The following TRMT11 variants were observed in gnomAD, a reference collection of about 807,000 sequenced individuals.
TRMT11 encodes the protein tRNA (guanine(10)-N(2))-methyltransferase TRMT11.
In TRMT11, 53 loss-of-function variants were observed where a neutral mutation model predicts 62.8. The observed-to-expected ratio is 0.84, with a 90% CI of 0.68 to 1.06. The LOEUF is 1.06. Among genes scored for constraint, TRMT11 ranks in the 50% least tolerant of loss-of-function variants. The pLI is 0.00. For synonymous variants in TRMT11, 188 were observed against 190.3 expected (o/e 0.99, Z 0.10); for missense variants, 556 against 553.4 (o/e 1.00, Z -0.05).
downstream of TRMT11, among the ~76,000 whole-genome samples, chr6:126,040,061 T>A (rs1452127007): frequency 6.6e-6 from 1 of 152,110 alleles, no homozygotes; most frequent in Non-Finnish European, 1.5e-5. Context: ...AAGGATGATT[T>A]ATTTTCAGTT....
intron 17 of TRMT11, among the ~76,000 whole-genome samples, chr6:126,110,052 C>T (rs1338610568): frequency 2.0e-5 from 3 of 152,062 alleles, no homozygotes; most frequent in Non-Finnish European, 4.4e-5. Context: ...TTTCAGCTGG[C>T]GGAGAAGCAG....
At position 125,998,619 on chromosome 6, in the gene TRMT11, G is replaced by T. The variant is rs746879380; in HGVS notation, c.457G>T (p.Glu153Ter). 12 of 1,613,478 alleles carry T rather than the reference G, an allele frequency of 7.4e-6. No homozygotes were observed. The highest frequency in any genetic ancestry group is 9.3e-6 in the Non-Finnish European group (11 of 1,179,656). ...ACCGCAACATGTATTTTCTGTTTTG[G>T]AGGATTATGGTTTAGACCCAAACTG... is the stretch of plus-strand genomic sequence containing the variant. ...KKPQHVFSVL[E>*]DYGLDPNCIP... The change falls in exon 6 of 13, where the codon GAG (glutamate) becomes TAG (stop). Residue 153 changes from glutamate to a stop codon, truncating the protein, a stop_gained. Coordinates refer to ENST00000334379, the MANE Select transcript of TRMT11 (RefSeq NM_001031712.3). LOFTEE classifies it high-confidence loss of function.
chr6:126,099,899 C>A (rs544713912), intron 17 of TRMT11, among the ~76,000 whole-genome samples: 6 of 152,236 alleles, frequency 3.9e-5, no homozygotes, highest in Admixed American at 2.0e-4. Context: ...TCTGGAAGAG[C>A]TGGGCACCTG....
At chr6:126,144,577 AAGCTTTGCAGAC>A (rs1056452122) in intron 21 of TRMT11, among the ~76,000 whole-genome samples, 4 of 152,116 alleles carry the variant, frequency 2.6e-5, no homozygotes, top group Non-Finnish European at 5.9e-5. Context: ...CCTCTCCCCA[AAGCTTTGCAGAC>A]AATGAATCAC....
chr6:125,987,594 C>A (rs776990285), intron 1 of TRMT11, among the ~76,000 whole-genome samples: 6 of 152,152 alleles, frequency 3.9e-5, no homozygotes, highest in Non-Finnish European at 8.8e-5. Flanking sequence ...GAGCCAGAGA[C>A]TAGGAGTCTG....
chr6:126,118,862 A>G lies in TRMT11; in HGVS notation c.*1823+3007A>G, dbSNP rs572212874. Among the ~76,000 whole-genome samples the G allele has an allele frequency of 4.6e-5, 7 of 152,216 alleles. No homozygotes were observed. In the East Asian group the frequency reaches 1.4e-3, roughly 29 times the overall value. On this transcript the variant is annotated intron_variant and NMD_transcript_variant, in intron 21 of 22. Transcript: ENST00000648977. The stretch of plus-strand genomic sequence containing the variant: ...TTCAACAGCTATTTGCTTTGGAGAC[A>G]TTTCTTTTCCCCCTTTGTAAAGCTA...
At chr6:126,159,278 C>T (rs1264287423) in intron 21 of TRMT11, among the ~76,000 whole-genome samples, 1 of 152,122 alleles carries the variant, frequency 6.6e-6, no homozygotes, top group Non-Finnish European at 1.5e-5. Flanking sequence ...GGTGATGGCA[C>T]TCTGGGCGGA....
At chr6:126,125,928 G>A (rs949905847) in intron 21 of TRMT11, among the ~76,000 whole-genome samples, 2 of 152,152 alleles carry the variant, frequency 1.3e-5, no homozygotes, top group Middle Eastern at 3.4e-3. Context: ...ACACATGCAT[G>A]CACATTCTGA....
At chr6:126,272,004 A>T in the TRMT11 span, among the ~76,000 whole-genome samples, 4 of 152,236 alleles carry the variant, frequency 2.6e-5, no homozygotes, top group Non-Finnish European at 5.9e-5. Flanking sequence ...TCAGTTCCTT[A>T]ATGAGGAGAA....
At chr6:126,023,216 A>G (rs1357107911) in intron 12 of TRMT11, among the ~76,000 whole-genome samples, 1 of 152,226 alleles carries the variant, frequency 6.6e-6, no homozygotes, top group East Asian at 1.9e-4. Flanking sequence ...TAGTTTCCAA[A>G]TTGTTTGGCA....
At chr6:126,111,222 A>C (rs551334403) in intron 17 of TRMT11, among the ~76,000 whole-genome samples, 8 of 152,010 alleles carry the variant, frequency 5.3e-5, no homozygotes, top group Non-Finnish European at 1.5e-5. Context: ...TCTGTAGGCA[A>C]ATTTTCAGGT....
intron 17 of TRMT11, among the ~76,000 whole-genome samples, chr6:126,065,743 A>G (rs573709555): frequency 6.6e-6 from 1 of 152,308 alleles, no homozygotes; most frequent in Non-Finnish European, 1.5e-5. Context: ...CAGAAATTAT[A>G]TTATTACTAT....
intron 21 of TRMT11, among the ~76,000 whole-genome samples, chr6:126,134,917 G>A (rs1583885185): frequency 6.6e-6 from 1 of 151,758 alleles, no homozygotes; most frequent in African/African-American, 2.4e-5. Flanking sequence ...AAGAAATTAA[G>A]AAGGACAATA....
chr6:126,115,958 C>T (rs1327654822), intron 21 of TRMT11, among the ~76,000 whole-genome samples: 1 of 151,758 alleles, frequency 6.6e-6, no homozygotes. Flanking sequence ...GGGCTCCCCC[C>T]TCCAAGATTC....
the TRMT11 span, among the ~76,000 whole-genome samples, chr6:126,219,880 G>C: frequency 6.6e-6 from 1 of 152,108 alleles, no homozygotes; most frequent in Non-Finnish European, 1.5e-5. Context: ...AATACTATGA[G>C]GGAGGTAGAA....
chr6:126,236,076 G>T, the TRMT11 span, among the ~76,000 whole-genome samples: 4 of 152,150 alleles, frequency 2.6e-5, no homozygotes, highest in Non-Finnish European at 4.4e-5. Context: ...CTCCTAAATG[G>T]ACTTAACCAT....
intron 3 of TRMT11, among the ~76,000 whole-genome samples, chr6:126,201,641 T>G (rs2128253060): frequency 6.6e-6 from 1 of 152,350 alleles, no homozygotes. Flanking sequence ...CATTTGACAT[T>G]GATGGTTTAT....
At chr6:126,114,559 C>T (rs1436175740) in intron 18 of TRMT11, among the ~76,000 whole-genome samples, 1 of 152,066 alleles carries the variant, frequency 6.6e-6, no homozygotes, top group Non-Finnish European at 1.5e-5. Flanking sequence ...GAGGCTAAAA[C>T]AGTGCCTTTC....
At chr6:126,168,959 C>A (rs9375428) in intron 21 of TRMT11, among the ~76,000 whole-genome samples, 38,914 of 152,132 alleles carry the variant, frequency 0.26, 5,661 homozygotes, top group African/African-American at 0.39. Flanking sequence ...TCTTTTCCAA[C>A]GAAAATGCAG....
Sources: gnomAD v4.1 joint callset for allele counts (sites outside exome capture counted in the v4.1 genomes callset) on GRCh38, gnomAD v4.1.1 for gene constraint, MANE v1.5 for transcripts, NCBI Gene and HGNC (gene_info 2026-07-23, HGNC 2026-07-21) for gene names.